Variants in SYCE1 observed in about 807,000 individuals in gnomAD.
The protein encoded by SYCE1 is synaptonemal complex central element protein 1, also known as cancer/testis antigen 76.
Under a neutral mutation model 55.1 loss-of-function variants are expected in SYCE1, and 37 were observed. That is an observed-to-expected ratio of 0.67 (90% CI 0.52 to 0.88). The LOEUF is 0.88. SYCE1 is among the 40% of genes least tolerant of loss of function. The pLI, the probability that SYCE1 is intolerant of heterozygous loss-of-function variation, is 0.00. For synonymous variants in SYCE1, 163 were observed against 159.4 expected (o/e 1.02, Z -0.17); for missense variants, 399 against 416.4 (o/e 0.96, Z 0.36).
At position 133,556,031 on chromosome 10, in the gene SYCE1, G is replaced by A; in HGVS notation, c.545C>T (p.Ala182Val). 1 of 1,613,548 alleles carries A rather than the reference G, an allele frequency of 6.2e-7. No homozygotes were observed. Among genetic ancestry groups the A allele is most frequent in the Non-Finnish European group, 8.5e-7 (1 of 1,179,996 alleles). ...LWDFHMPERL[A>V]KEICALDSSK... Reference sequence around the variant, plus strand: ...GCTGTCCAGGGCACAAATCTCCTTTGCCAGCCGCTCTGGCATCTGAGGGGC... The same window carrying A: ...GCTGTCCAGGGCACAAATCTCCTTTACCAGCCGCTCTGGCATCTGAGGGGC... Residue 182 changes from alanine (A) to valine (V), a missense_variant, in exon 9 of 13, where the codon GCA (alanine) becomes GTA (valine). Physicochemically the swap from Ala to Val is moderately conservative, Grantham distance 64. Coordinates refer to ENST00000343131, the MANE Select transcript of SYCE1 (RefSeq NM_001143764.3).
At chr10:133,563,986 TC>T (rs1851870964) in intron 1 of SYCE1, among the ~76,000 whole-genome samples, 1 of 150,960 alleles carries the variant, frequency 6.6e-6, no homozygotes, top group African/African-American at 2.4e-5. Flanking sequence ...CTAGATAACA[TC>T]CCTGCTTCCT....
intron 1 of SYCE1, among the ~76,000 whole-genome samples, chr10:133,565,012 CCGGGGCGT>C (rs1395740489): frequency 3.3e-5 from 5 of 152,194 alleles, no homozygotes; most frequent in African/African-American, 1.2e-4. Context: ...CCCCGGCTCC[CCGGGGCGT>C]CGGGATGCTG....
chr10:133,560,187 G>A, intron 1 of SYCE1, 34 bp from the exon 2 acceptor site: 2 of 1,608,210 alleles, frequency 1.2e-6, no homozygotes, highest in East Asian at 2.2e-5. Flanking sequence ...TCAGAATCAA[G>A]CAGGGCGAGA....
chr10:133,559,409 C>T (rs764407456), intron 2 of SYCE1, 49 bp from the exon 3 acceptor site: 36 of 1,576,378 alleles, frequency 2.3e-5, no homozygotes, highest in Admixed American at 1.8e-4. Flanking sequence ...AGAGTTGGGG[C>T]GGTTGCCAGC....
At chr10:133,561,146 A>G (rs1428800221) in intron 1 of SYCE1, 1 of 152,200 alleles carries the variant, frequency 6.6e-6, no homozygotes, top group Non-Finnish European at 1.5e-5. Flanking sequence ...GGCACAGGTC[A>G]TCAGGACCTC....
intron 1 of SYCE1, chr10:133,560,429 T>C (rs1028709068): frequency 1.6e-5 from 4 of 251,408 alleles, no homozygotes; most frequent in Non-Finnish European, 3.0e-5. Flanking sequence ...AAGCTCCTGA[T>C]ATAATTCAAG....
rs74769345 is a variant in SYCE1 at position 133,559,223 on chromosome 10, C to A, written c.196+78G>T. 2.6e-3 allele frequency: 3,850 copies of A among 1,470,088 alleles called. No homozygotes were observed. In the African/African-American group the frequency reaches 0.046, roughly 18 times the overall value. 91.1% of individuals were successfully genotyped at this position (1,470,088 alleles called of 1,614,324 possible). A position where few individuals can be genotyped will look rare whatever the true frequency, so the allele number is the denominator to read the frequency against. ...TAACCAGTAACTTTGGAACAAGGGA[C>A]CCTGCATTCTCACTTGGCACTGAGC... On this transcript the variant is annotated intron_variant, in intron 3 of 12. Transcript: ENST00000343131.
At chr10:133,564,253 C>T (rs1209854863) in intron 1 of SYCE1, 1 of 338,490 alleles carries the variant, frequency 3.0e-6, no homozygotes, top group Non-Finnish European at 4.2e-6. Flanking sequence ...AATGAGAAGA[C>T]AGAAGTCTAT....
upstream of SYCE1, chr10:133,565,725 G>A (rs1296127389): frequency 5.2e-6 from 3 of 576,184 alleles, no homozygotes; most frequent in Non-Finnish European, 8.9e-6. Context: ...GGCTACAAAC[G>A]CGGCGGGAAG....
intron 2 of SYCE1, 152 bp downstream of exon 2, chr10:133,559,939 C>A (rs570774403): frequency 8.9e-6 from 6 of 674,016 alleles, no homozygotes; most frequent in African/African-American, 7.3e-5. Context: ...AAACATGGGG[C>A]CCTATTTTTA....
At chr10:133,567,390 G>A (rs550214926), upstream of SYCE1, among the ~76,000 whole-genome samples, 220 of 151,614 alleles carry the variant, frequency 1.5e-3, 3 homozygotes, top group South Asian at 0.015. Flanking sequence ...AGTGTTTTGC[G>A]TTAGTGGTTA....
In SYCE1 at chr10:133,555,105, C is replaced by T. The variant is rs1173202948; in HGVS notation, c.943G>A (p.Glu315Lys). The change falls in exon 13 of 13, where the codon GAA becomes AAA. Residue 315 changes from glutamate (E) to lysine (K), a missense_variant. Physicochemically the swap from Glu to Lys is moderately conservative, Grantham distance 56 (BLOSUM62 1). Coordinates refer to ENST00000343131, the MANE Select transcript of SYCE1 (RefSeq NM_001143764.3). Reference protein sequence around the residue: ...DVASPKPLKGERPGAAHQAGP... With the variant: ...DVASPKPLKGKRPGAAHQAGP... ...GCTTGGTGTGCAGCTCCAGGTCTTT[C>T]TCCTTTTAGGGGCTTGGGACTGGCC... 6.4e-7 allele frequency: 1 copy of T among 1,550,596 alleles called. No individual in the cohort carries two copies. The highest frequency in any genetic ancestry group is 2.4e-5 in the East Asian group (1 of 40,918).
downstream of SYCE1, chr10:133,553,990 T>C (rs920167435): frequency 1.5e-5 from 4 of 267,486 alleles, no homozygotes; most frequent in African/African-American, 2.2e-5. Flanking sequence ...TGAACAATCA[T>C]TGGTTGATTT....
intron 11 of SYCE1, 31 bp downstream of exon 11, chr10:133,555,566 G>A: frequency 1.9e-6 from 3 of 1,601,848 alleles, no homozygotes; most frequent in Non-Finnish European, 2.5e-6. Flanking sequence ...CTTCCTGGTG[G>A]GGGTTGCGGG....
downstream of SYCE1, chr10:133,554,811 G>A (rs1010872432): frequency 1.3e-4 from 191 of 1,461,130 alleles, no homozygotes; most frequent in Non-Finnish European, 1.7e-4. Flanking sequence ...CCCAGAAGAA[G>A]CTGGCAGGTA....
At chr10:133,563,621 T>C (rs1394110801) in intron 1 of SYCE1, among the ~76,000 whole-genome samples, 2 of 150,256 alleles carry the variant, frequency 1.3e-5, no homozygotes, top group Non-Finnish European at 2.9e-5. Context: ...GGCCAGGAGG[T>C]CAAGGCTGCA....
rs145422850 is a variant in SYCE1, at chr10:133,564,759, C to T, written c.73+698G>A. ...TGAGTGACAGCAGGAGGGACGTCAC[C>T]GTACAATTCTCTCCACTTTTCTGTA... On this transcript the variant is annotated intron_variant, in intron 1 of 12. Coordinates refer to ENST00000343131, the MANE Select transcript of SYCE1 (RefSeq NM_001143764.3). Among the ~76,000 whole-genome samples the T allele has an allele frequency of 3.6e-3, 543 of 152,302 alleles. 3 individuals carry two copies. The highest frequency in any genetic ancestry group is 0.024 in the Middle Eastern group (7 of 294).
upstream of SYCE1, chr10:133,568,212 C>G: frequency 8.4e-7 from 1 of 1,191,750 alleles, no homozygotes; most frequent in Non-Finnish European, 1.2e-6. Context: ...CCGAGCCGGT[C>G]CTGTTGCCTC....
intron 2 of SYCE1, 127 bp downstream of exon 2, chr10:133,559,964 G>T: frequency 2.5e-6 from 2 of 789,148 alleles, no homozygotes; most frequent in Non-Finnish European, 2.0e-6. Flanking sequence ...AAGTAATTAA[G>T]TTTTAAAAGA....
Sources: allele counts gnomAD v4.1 joint callset (sites outside exome capture counted in the v4.1 genomes callset), GRCh38; gene constraint gnomAD v4.1.1; transcripts MANE v1.5; gene names NCBI Gene and HGNC (gene_info 2026-07-23, HGNC 2026-07-21).